The following PTPN1 variants were observed in gnomAD, a reference collection of about 807,000 sequenced individuals.
PTPN1 encodes protein tyrosine phosphatase non-receptor type 1, also known as tyrosine-protein phosphatase non-receptor type 1.
A neutral mutation model predicts 59.9 loss-of-function variants in PTPN1; 12 were observed. The observed-to-expected ratio is 0.20, with a 90% CI of 0.13 to 0.32. The LOEUF (loss-of-function observed/expected upper bound fraction) is 0.32. PTPN1 is among the 10% of genes least tolerant of loss of function. The pLI is 1.00. For missense variants in PTPN1, 356 were observed against 549.2 expected, an observed-to-expected ratio of 0.65 and a Z score of 3.52; for synonymous variants, 178 against 203.6, an observed-to-expected ratio of 0.87 and a Z score of 1.07.
intron 1 of PTPN1, among the ~76,000 whole-genome samples, chr20:50,539,245 A>G (rs1203310919): frequency 6.6e-6 from 1 of 152,018 alleles, no homozygotes; most frequent in African/African-American, 2.4e-5. Context: ...CATGTTGGCC[A>G]GGCTGGTCTC....
intron 4 of PTPN1, among the ~76,000 whole-genome samples, chr20:50,570,212 C>T (rs190763982): frequency 6.6e-6 from 1 of 152,342 alleles, no homozygotes; most frequent in African/African-American, 2.4e-5. Flanking sequence ...AAGCCTCTGC[C>T]TCCACCACAC....
intron 8 of PTPN1, among the ~76,000 whole-genome samples, 164 bp downstream of exon 8, chr20:50,580,090 G>A (rs1254372432): frequency 6.6e-6 from 1 of 152,224 alleles, no homozygotes; most frequent in Non-Finnish European, 1.5e-5. Flanking sequence ...TCCACTCCTG[G>A]CTGCTGGAGG....
chr20:50,516,849 G>A (rs1260991388), intron 1 of PTPN1, among the ~76,000 whole-genome samples: 2 of 152,156 alleles, frequency 1.3e-5, no homozygotes, highest in Non-Finnish European at 2.9e-5. Context: ...CCTTTATGTT[G>A]TAATTTTAGG....
At chr20:50,564,945 T>A (rs1373154822) in intron 2 of PTPN1, 24 bp from the exon 3 acceptor site, 2 of 1,612,432 alleles carry the variant, frequency 1.2e-6, no homozygotes, top group Admixed American at 3.4e-5. Context: ...GGGATTAACC[T>A]CTGAGTTCTG....
rs984329389 is a variant in PTPN1 at position 50,581,351 on chromosome 20, C to T, written c.1175C>T (p.Pro392Leu). Reference protein sequence around the residue: ...AQAASPAKGEPSLPEKDEDHA... With the variant: ...AQAASPAKGELSLPEKDEDHA... ...GCTGCCTCCCCAGCCAAAGGGGAGC[C>T]GTCACTGCCCGAGAAGGACGAGGAC... Residue 392 changes from proline (P) to leucine (L), a missense_variant, in exon 9 of 10, where the codon CCG (proline) becomes CTG (leucine). By Grantham distance (98) the Pro-to-Leu change is moderately conservative. Transcript: ENST00000371621. 30 of 1,613,950 alleles carry T rather than the reference C, an allele frequency of 1.9e-5. No individual in the cohort carries two copies. Among genetic ancestry groups the T allele is most frequent in the South Asian group, 3.3e-5 (3 of 91,090 alleles).
At chr20:50,566,579 C>A (rs1216191380) in intron 3 of PTPN1, among the ~76,000 whole-genome samples, 1 of 152,106 alleles carries the variant, frequency 6.6e-6, no homozygotes, top group Non-Finnish European at 1.5e-5. Flanking sequence ...CGAAACATTT[C>A]CCCAGTGCCC....
intron 1 of PTPN1, among the ~76,000 whole-genome samples, chr20:50,525,658 A>C (rs1010648182): frequency 1.3e-5 from 2 of 151,974 alleles, no homozygotes; most frequent in African/African-American, 2.4e-5. Context: ...TGTTGACTAC[A>C]AATCATTTAA....
At chr20:50,535,886 TAGAG>T (rs1396460624) in intron 1 of PTPN1, among the ~76,000 whole-genome samples, 1 of 151,608 alleles carries the variant, frequency 6.6e-6, no homozygotes, top group Admixed American at 6.6e-5. Context: ...CACCCCCAAA[TAGAG>T]AGAAAGAAAT....
intron 1 of PTPN1, among the ~76,000 whole-genome samples, chr20:50,548,166 A>G (rs1186006810): frequency 6.6e-6 from 1 of 152,038 alleles, no homozygotes; most frequent in Non-Finnish European, 1.5e-5. Flanking sequence ...GTAATTCTTC[A>G]TGCTGCATCC....
chr20:50,515,442 G>A (rs968715856), intron 1 of PTPN1, among the ~76,000 whole-genome samples: 1 of 152,104 alleles, frequency 6.6e-6, no homozygotes, highest in Non-Finnish European at 1.5e-5. Context: ...TTGTAGCTGC[G>A]TCTTTACAAA....
chr20:50,557,672 T>C (rs1640666428), intron 1 of PTPN1: 1 of 152,370 alleles, frequency 6.6e-6, no homozygotes, highest in Non-Finnish European at 1.5e-5. Flanking sequence ...TTTCCTATTT[T>C]GTTTTTTAAA....
intron 1 of PTPN1, among the ~76,000 whole-genome samples, chr20:50,526,327 C>A (rs116754587): frequency 1.5e-3 from 226 of 152,152 alleles, no homozygotes; most frequent in African/African-American, 5.1e-3. Flanking sequence ...GTGATCCTCC[C>A]GCCTCGGGCT....
chr20:50,553,302 C>T (rs550906877), intron 1 of PTPN1, among the ~76,000 whole-genome samples: 2 of 152,126 alleles, frequency 1.3e-5, no homozygotes, highest in African/African-American at 2.4e-5. Context: ...TTCTGCCTGG[C>T]GATCTTGCTG....
chr20:50,559,271 A>G (rs1339498766), intron 1 of PTPN1, among the ~76,000 whole-genome samples: 2 of 152,168 alleles, frequency 1.3e-5, no homozygotes, highest in South Asian at 4.2e-4. Context: ...ACTTCAGGCA[A>G]TCCACCCACC....
chr20:50,545,102 C>G (rs2082669080), intron 1 of PTPN1, among the ~76,000 whole-genome samples: 1 of 152,166 alleles, frequency 6.6e-6, no homozygotes, highest in South Asian at 2.1e-4. Context: ...TGATTCCCAT[C>G]AAGAGGTACA....
chr20:50,545,554 C>T (rs1568783598), intron 1 of PTPN1, among the ~76,000 whole-genome samples: 1 of 152,170 alleles, frequency 6.6e-6, no homozygotes, highest in Non-Finnish European at 1.5e-5. Context: ...CCAAGTTATC[C>T]TTAAACTGCT....
At chr20:50,548,169 C>T (rs1424881444) in intron 1 of PTPN1, among the ~76,000 whole-genome samples, 1 of 152,130 alleles carries the variant, frequency 6.6e-6, no homozygotes, top group African/African-American at 2.4e-5. Context: ...ATTCTTCATG[C>T]TGCATCCTGG....
chr20:50,512,368 T>C (rs2082511202), intron 1 of PTPN1, among the ~76,000 whole-genome samples: 1 of 152,234 alleles, frequency 6.6e-6, no homozygotes, highest in South Asian at 2.1e-4. Context: ...GAAATACGTA[T>C]TGTAACTTAG....
At chr20:50,543,896 A>T (rs892918646) in intron 1 of PTPN1, among the ~76,000 whole-genome samples, 2 of 151,968 alleles carry the variant, frequency 1.3e-5, no homozygotes, top group African/African-American at 4.8e-5. Flanking sequence ...CCCAGGCTGG[A>T]GTGCAATGGT....
Sources: gnomAD v4.1 joint callset for allele counts (sites outside exome capture counted in the v4.1 genomes callset) on GRCh38, gnomAD v4.1.1 for gene constraint, MANE v1.5 for transcripts, NCBI Gene and HGNC (gene_info 2026-07-23, HGNC 2026-07-21) for gene names.